The following TMEM117 variants were observed in gnomAD, a reference collection of about 807,000 sequenced individuals.
TMEM117 encodes transmembrane protein 117.
In TMEM117, 27 loss-of-function variants were observed where a neutral mutation model predicts 52.4. That is an observed-to-expected ratio of 0.51 (90% CI 0.38 to 0.71). The LOEUF (loss-of-function observed/expected upper bound fraction) is 0.71. TMEM117 is among the 30% of genes least tolerant of loss of function. TMEM117 has a pLI of 0.00. For synonymous variants in TMEM117, 215 were observed against 206.3 expected (o/e 1.04, Z -0.36); for missense variants, 556 against 630.5 (o/e 0.88, Z 1.26).
intron 6 of TMEM117, among the ~76,000 whole-genome samples, chr12:44,311,708 T>C (rs1950977280): frequency 6.8e-6 from 1 of 146,798 alleles, no homozygotes; most frequent in Admixed American, 6.9e-5. Context: ...AATTTTCAGT[T>C]AATATTAAAT....
chr12:44,383,112 C>A (rs1952042865), intron 7 of TMEM117, among the ~76,000 whole-genome samples: 1 of 152,176 alleles, frequency 6.6e-6, no homozygotes, highest in Non-Finnish European at 1.5e-5. Flanking sequence ...CATCCATACA[C>A]CTGCACTAGA....
At chr12:44,025,132 T>C (rs1056267551) in intron 3 of TMEM117, among the ~76,000 whole-genome samples, 1 of 152,180 alleles carries the variant, frequency 6.6e-6, no homozygotes, top group Non-Finnish European at 1.5e-5. Context: ...ATTATAATGC[T>C]CAAATGGTTG....
intron 3 of TMEM117, among the ~76,000 whole-genome samples, chr12:44,065,217 A>G (rs868209795): frequency 6.6e-6 from 1 of 152,218 alleles, no homozygotes; most frequent in South Asian, 2.1e-4. Flanking sequence ...TGTTTCTACT[A>G]AAAATACAAA....
At chr12:44,048,867 G>A (rs1946921792) in intron 3 of TMEM117, among the ~76,000 whole-genome samples, 1 of 152,140 alleles carries the variant, frequency 6.6e-6, no homozygotes, top group African/African-American at 2.4e-5. Context: ...TGGAAATATA[G>A]TATTATAACA....
At chr12:44,327,172 A>G (rs1238630335) in intron 6 of TMEM117, among the ~76,000 whole-genome samples, 1 of 152,144 alleles carries the variant, frequency 6.6e-6, no homozygotes. Context: ...TCAAAAAAAA[A>G]TGAAAATTCA....
chr12:43,935,075 A>T (rs1944929547), intron 2 of TMEM117, among the ~76,000 whole-genome samples: 1 of 152,020 alleles, frequency 6.6e-6, no homozygotes, highest in African/African-American at 2.4e-5. Flanking sequence ...TGGCATGATC[A>T]TGGCTCACTG....
At chr12:43,860,088 T>C (rs1943464012) in intron 2 of TMEM117, among the ~76,000 whole-genome samples, 1 of 152,212 alleles carries the variant, frequency 6.6e-6, no homozygotes, top group South Asian at 2.1e-4. Flanking sequence ...TTTTGTTACA[T>C]AGGTATACAC....
chr12:44,147,058 T>C (rs1592556866), intron 4 of TMEM117, among the ~76,000 whole-genome samples: 1 of 152,188 alleles, frequency 6.6e-6, no homozygotes, highest in African/African-American at 2.4e-5. Flanking sequence ...GTACTCCCCA[T>C]GCAGAGGACA....
chr12:43,854,342 G>A (rs1005831625), intron 2 of TMEM117, among the ~76,000 whole-genome samples: 5 of 151,904 alleles, frequency 3.3e-5, no homozygotes, highest in Non-Finnish European at 5.9e-5. Context: ...TATGTGAGGC[G>A]ATGTGAAACC....
intron 3 of TMEM117, among the ~76,000 whole-genome samples, chr12:44,101,097 C>G (rs1947853015): frequency 6.6e-6 from 1 of 151,860 alleles, no homozygotes; most frequent in South Asian, 2.1e-4. Flanking sequence ...TCTCTGGGGA[C>G]TCTTTTAGAA....
At chr12:44,314,018 T>A (rs1261019055) in intron 6 of TMEM117, among the ~76,000 whole-genome samples, 1 of 152,216 alleles carries the variant, frequency 6.6e-6, no homozygotes, top group African/African-American at 2.4e-5. Context: ...GCTTTAGGGT[T>A]TTCTAGGCAT....
chr12:44,258,270 A>G (rs1216231425), intron 5 of TMEM117, among the ~76,000 whole-genome samples: 1 of 152,090 alleles, frequency 6.6e-6, no homozygotes, highest in South Asian at 2.1e-4. Context: ...ATGTTTTTAT[A>G]TATTTTTGAC....
intron 4 of TMEM117, among the ~76,000 whole-genome samples, chr12:44,155,446 G>A (rs541192683): frequency 1.3e-5 from 2 of 152,070 alleles, no homozygotes; most frequent in African/African-American, 4.8e-5. Context: ...TGGTCATGCT[G>A]TGTATAATTT....
intron 3 of TMEM117, among the ~76,000 whole-genome samples, chr12:44,077,422 G>A (rs1454650050): frequency 6.6e-6 from 1 of 152,070 alleles, no homozygotes; most frequent in Admixed American, 6.6e-5. Flanking sequence ...TGTTACTTTG[G>A]TCTGATCTAA....
In TMEM117 at chr12:44,349,823, C is replaced by A. The variant is rs1160593506; in HGVS notation, c.769-26772C>A. 2.6e-5 allele frequency among the ~76,000 whole-genome samples: 4 copies of A among 152,136 alleles called. No individual in the cohort carries two copies. In the South Asian group the frequency reaches 6.2e-4, roughly 24 times the overall value. On this transcript the variant is annotated intron_variant, in intron 6 of 7. Transcript: ENST00000266534. The stretch of plus-strand genomic sequence containing the variant: ...TATGTTCCAAACACTGTACCATGTA[C>A]TAGAAACATAAAAGATGACTGAGAC...
intron 3 of TMEM117, among the ~76,000 whole-genome samples, chr12:44,078,563 C>G (rs1262274535): frequency 6.6e-6 from 1 of 152,108 alleles, no homozygotes; most frequent in East Asian, 1.9e-4. Flanking sequence ...CTTTGGTGCT[C>G]AACTTTCAGT....
intron 7 of TMEM117, among the ~76,000 whole-genome samples, chr12:44,386,525 C>T (rs962883687): frequency 1.3e-5 from 2 of 152,102 alleles, no homozygotes; most frequent in Non-Finnish European, 2.9e-5. Context: ...TTTAGGTAAG[C>T]TCTCTTCATA....
chr12:44,349,929 C>G (rs1323438503), intron 6 of TMEM117, among the ~76,000 whole-genome samples: 1 of 152,026 alleles, frequency 6.6e-6, no homozygotes, highest in East Asian at 1.9e-4. Context: ...CAAAGTATAC[C>G]TGATGTAGCC....
chr12:43,993,387 A>G (rs533831246), intron 3 of TMEM117, among the ~76,000 whole-genome samples: 1 of 152,324 alleles, frequency 6.6e-6, no homozygotes, highest in African/African-American at 2.4e-5. Flanking sequence ...ACTTATCATT[A>G]TCACTTGTAC....
Sources: gnomAD v4.1 joint callset for allele counts (sites outside exome capture counted in the v4.1 genomes callset) on GRCh38, gnomAD v4.1.1 for gene constraint, MANE v1.5 for transcripts, NCBI Gene and HGNC (gene_info 2026-07-23, HGNC 2026-07-21) for gene names.